The following STK35 variants were observed in gnomAD, a reference collection of about 807,000 sequenced individuals.
The protein encoded by STK35 is serine/threonine-protein kinase 35.
In STK35, 17 loss-of-function variants were observed where a neutral mutation model predicts 37.3. The observed-to-expected ratio is 0.46, with a 90% CI of 0.31 to 0.68. The LOEUF (loss-of-function observed/expected upper bound fraction) is 0.68, where lower values mean the gene tolerates loss of function less well. Ranked by LOEUF, STK35 falls within the 30% of genes least tolerant of loss-of-function variation. The pLI, the probability that STK35 is intolerant of heterozygous loss-of-function variation, is 0.05. For missense variants in STK35, 595 were observed against 746.7 expected (o/e 0.80, Z 2.37); for synonymous variants, 385 against 319.1 (o/e 1.21, Z -2.20).
intron 3 of STK35, among the ~76,000 whole-genome samples, chr20:2,138,312 C>T (rs1986118925): frequency 6.6e-6 from 1 of 152,168 alleles, no homozygotes; most frequent in Non-Finnish European, 1.5e-5. Flanking sequence ...AAGTCCCAGT[C>T]TGTGATACCC....
chr20:2,133,357 T>G (rs771723280), intron 3 of STK35, among the ~76,000 whole-genome samples: 63 of 152,368 alleles, frequency 4.1e-4, no homozygotes, highest in Non-Finnish European at 6.0e-4. Flanking sequence ...CAACTGAACC[T>G]GTCTCTGGGG....
At chr20:2,118,626 G>C (rs1296839929) in intron 3 of STK35, among the ~76,000 whole-genome samples, 1 of 152,228 alleles carries the variant, frequency 6.6e-6, no homozygotes, top group Non-Finnish European at 1.5e-5. Flanking sequence ...GTGAAGTACA[G>C]TCATGCTCCG....
chr20:2,105,184 G>T (rs1985490879), intron 2 of STK35, among the ~76,000 whole-genome samples: 1 of 151,764 alleles, frequency 6.6e-6, no homozygotes, highest in African/African-American at 2.4e-5. Context: ...ACTCCCTAGG[G>T]GATTCGTTTA....
chr20:2,105,740 T>C (rs1235304383), intron 2 of STK35, among the ~76,000 whole-genome samples: 1 of 152,230 alleles, frequency 6.6e-6, no homozygotes, highest in Non-Finnish European at 1.5e-5. Context: ...TGTACTCTTC[T>C]ACCCTCACCC....
intron 3 of STK35, among the ~76,000 whole-genome samples, chr20:2,140,959 G>A (rs1176526476): frequency 3.3e-5 from 5 of 152,188 alleles, no homozygotes; most frequent in African/African-American, 9.7e-5. Context: ...CCTGCTGATG[G>A]GCATCCTTTT....
At chr20:2,103,407 C>T (rs755046630) in intron 2 of STK35, 42 bp downstream of exon 2, 107 of 1,563,724 alleles carry the variant, frequency 6.8e-5, no homozygotes, top group Non-Finnish European at 7.9e-5. Flanking sequence ...AGGGCCTGGA[C>T]CCCCTGCTCT....
intron 2 of STK35, among the ~76,000 whole-genome samples, chr20:2,113,345 A>T (rs1447759208): frequency 6.6e-6 from 1 of 152,188 alleles, no homozygotes; most frequent in Non-Finnish European, 1.5e-5. Context: ...AATTTAATAA[A>T]AACTAAAATA....
intron 3 of STK35, among the ~76,000 whole-genome samples, chr20:2,134,318 G>A (rs1022979047): frequency 1.3e-5 from 2 of 151,366 alleles, no homozygotes; most frequent in Non-Finnish European, 2.9e-5. Context: ...CTTTCAAGGA[G>A]GAGGAGGACC....
At chr20:2,109,533 G>A (rs1348578545) in intron 2 of STK35, among the ~76,000 whole-genome samples, 2 of 152,218 alleles carry the variant, frequency 1.3e-5, no homozygotes, top group African/African-American at 2.4e-5. Context: ...TGTCCATCAA[G>A]GTCAAGTTGC....
intron 3 of STK35, among the ~76,000 whole-genome samples, chr20:2,137,682 A>G (rs976354771): frequency 6.6e-6 from 1 of 152,044 alleles, no homozygotes; most frequent in Non-Finnish European, 1.5e-5. Flanking sequence ...TTTTTGCCCT[A>G]CTTTAAGCAC....
chr20:2,132,744 A>G (rs1255542765), intron 3 of STK35, among the ~76,000 whole-genome samples: 1 of 152,242 alleles, frequency 6.6e-6, no homozygotes, highest in Non-Finnish European at 1.5e-5. Context: ...ATTGGTGTCA[A>G]GACATCAACA....
At chr20:2,112,150 G>A (rs1430505450) in intron 2 of STK35, among the ~76,000 whole-genome samples, 1 of 152,226 alleles carries the variant, frequency 6.6e-6, no homozygotes, top group Non-Finnish European at 1.5e-5. Context: ...GAAGGCTTAA[G>A]GATAGGCTTG....
chr20:2,128,174 G>T (rs181348666), intron 3 of STK35, among the ~76,000 whole-genome samples: 71 of 152,262 alleles, frequency 4.7e-4, no homozygotes, highest in African/African-American at 1.6e-3. Context: ...CAGCTCTCCA[G>T]GTGATGGCTG....
intron 3 of STK35, among the ~76,000 whole-genome samples, chr20:2,137,706 G>A (rs1568582275): frequency 6.6e-6 from 1 of 152,148 alleles, no homozygotes; most frequent in African/African-American, 2.4e-5. Flanking sequence ...AGTTGGGAGT[G>A]CAGCCTTAGA....
chr20:2,109,514 G>T (rs1277400504), intron 2 of STK35, among the ~76,000 whole-genome samples: 4 of 152,224 alleles, frequency 2.6e-5, no homozygotes, highest in Non-Finnish European at 5.9e-5. Flanking sequence ...TTACAGACAA[G>T]AACGTCAGTG....
In STK35 at chr20:2,102,826, G is replaced by C. The variant is rs954779900; in HGVS notation, c.353G>C (p.Gly118Ala). 7.2e-6 allele frequency: 11 copies of C among 1,528,600 alleles called. No individual in the cohort carries two copies. The highest frequency in any genetic ancestry group is 8.7e-6 in the Non-Finnish European group (10 of 1,144,660). The allele number at this position is 1,528,600 out of a possible 1,614,324, so 94.7% of individuals were successfully genotyped here. A position where few individuals can be genotyped will look rare whatever the true frequency, so the allele number is the denominator to read the frequency against. ...AGGGCCGGACGGAGGGATGAGGCAGGGGGGGCCCGGGCAGCGCCGTTGCTG... is the reference window on the plus strand; with the variant it reads ...AGGGCCGGACGGAGGGATGAGGCAGCGGGGGCCCGGGCAGCGCCGTTGCTG... ...RPRAGRRDEA[G>A]GARAAPLLLP... Residue 118 changes from glycine to alanine, a missense_variant, in exon 2 of 4, where the codon GGG (glycine) becomes GCG (alanine). By Grantham distance (60) the Gly-to-Ala change is moderately conservative. This residue lies in a region of STK35 where 389 missense variants were observed against 320.0 expected (regional missense o/e 1.22). Coordinates refer to ENST00000381482, the MANE Select transcript of STK35 (RefSeq NM_080836.4).
chr20:2,111,440 A>G (rs1353738104), intron 2 of STK35, among the ~76,000 whole-genome samples: 1 of 152,164 alleles, frequency 6.6e-6, no homozygotes, highest in Non-Finnish European at 1.5e-5. Context: ...CATGCCTATA[A>G]TTACCCAGTA....
chr20:2,124,845 G>A (rs1468799356), intron 3 of STK35, among the ~76,000 whole-genome samples: 1 of 152,152 alleles, frequency 6.6e-6, no homozygotes, highest in African/African-American at 2.4e-5. Flanking sequence ...CCCCAGGTGG[G>A]GAAGGCTGGT....
chr20:2,119,360 A>G (rs1985776713), intron 3 of STK35, among the ~76,000 whole-genome samples: 1 of 152,172 alleles, frequency 6.6e-6, no homozygotes, highest in African/African-American at 2.4e-5. Flanking sequence ...GAGAGACTAG[A>G]CCAATTTGGG....
Sources: allele counts gnomAD v4.1 joint callset (sites outside exome capture counted in the v4.1 genomes callset), GRCh38; gene constraint gnomAD v4.1.1; regional missense constraint gnomAD v4.1.1; transcripts MANE v1.5; gene names NCBI Gene and HGNC (gene_info 2026-07-23, HGNC 2026-07-21).